TMEM267: variants seen among roughly 807,000 people sequenced by gnomAD.
TMEM267 encodes transmembrane protein C5orf28.
Under a neutral mutation model 19.3 loss-of-function variants are expected in TMEM267, and 20 were observed. That is an observed-to-expected ratio of 1.04 (90% confidence interval 0.73 to 1.51). The LOEUF is 1.51. Among genes scored for constraint, TMEM267 ranks in the 40% most tolerant of loss-of-function variants. TMEM267 has a pLI of 0.00. For missense variants in TMEM267, 242 were observed against 261.9 expected (o/e 0.92, Z 0.52); for synonymous variants, 88 against 90.3 (o/e 0.97, Z 0.15).
intron 1 of TMEM267, among the ~76,000 whole-genome samples, chr5:43,466,051 A>AGG (rs1743649899): frequency 6.6e-6 from 1 of 152,152 alleles, no homozygotes; most frequent in Non-Finnish European, 1.5e-5. Flanking sequence ...ATTGGCTGTA[A>AGG]AGATGAGACA....
At chr5:43,466,113 T>C (rs550542754) in intron 1 of TMEM267, among the ~76,000 whole-genome samples, 15 of 152,208 alleles carry the variant, frequency 9.9e-5, no homozygotes, top group South Asian at 8.3e-4. Context: ...AGAGAACTTC[T>C]CAAACTTAGA....
At chr5:43,475,215 C>T (rs1364641799) in intron 1 of TMEM267, among the ~76,000 whole-genome samples, 1 of 152,198 alleles carries the variant, frequency 6.6e-6, no homozygotes, top group Non-Finnish European at 1.5e-5. Flanking sequence ...AACTCATGTC[C>T]TTTGCAGGGA....
intron 1 of TMEM267, among the ~76,000 whole-genome samples, chr5:43,481,026 G>A (rs949734251): frequency 1.3e-5 from 2 of 149,844 alleles, no homozygotes; most frequent in African/African-American, 2.5e-5. Context: ...GGATGGTCTC[G>A]ATCTCCTGAC....
rs377061101 is a variant in TMEM267, at chr5:43,446,385, C to T, written c.485G>A (p.Arg162His). The change falls in exon 3 of 3, where the codon CGT (arginine) becomes CAT (histidine). Residue 162 changes from arginine to histidine, a missense_variant. Physicochemically the swap from Arg to His is conservative, Grantham distance 29. Transcript: ENST00000397080. ...WTSHHIRDGI[R>H]HGLWICPFGK... Reference sequence around the variant, plus strand: ...AAATGGGCATATCCACAAACCATGACGAATCCCATCTCGGATATGATGTGA... The same window carrying T: ...AAATGGGCATATCCACAAACCATGATGAATCCCATCTCGGATATGATGTGA... 44 of 1,613,936 alleles carry T rather than the reference C, an allele frequency of 2.7e-5. No homozygotes were observed. The highest frequency in any genetic ancestry group is 1.2e-4 in the African/African-American group (9 of 74,898).
chr5:43,469,532 C>G (rs1226565348), intron 1 of TMEM267, among the ~76,000 whole-genome samples: 1 of 152,046 alleles, frequency 6.6e-6, no homozygotes, highest in African/African-American at 2.4e-5. Flanking sequence ...TCAATTGATG[C>G]TGAAAAAGGG....
intron 1 of TMEM267, 62 bp from the exon 2 acceptor site, chr5:43,454,105 C>G (rs1267751054): frequency 8.9e-7 from 1 of 1,127,674 alleles, no homozygotes; most frequent in Non-Finnish European, 1.2e-6. Context: ...AATATTTAAA[C>G]AAAACAGTAT....
chr5:43,451,556 C>T (rs574044221), intron 2 of TMEM267, among the ~76,000 whole-genome samples: 1 of 152,116 alleles, frequency 6.6e-6, no homozygotes, highest in African/African-American at 2.4e-5. Flanking sequence ...GAGATGCCAT[C>T]ACACACCATC....
In TMEM267 at chr5:43,483,143, T is replaced by C. The variant is rs562579201; in HGVS notation, c.-75+679A>G. Among the ~76,000 whole-genome samples the C allele has an allele frequency of 6.6e-5, 10 of 152,356 alleles. No individual in the cohort carries two copies. The East Asian group carries it at 1.9e-3, about 29-fold the overall frequency. On this transcript the variant is annotated intron_variant, in intron 1 of 2. Coordinates refer to ENST00000397080, the MANE Select transcript of TMEM267 (RefSeq NM_022483.5). The stretch of plus-strand genomic sequence containing the variant: ...TATCAAAAGCAGATGCCAAATCTGA[T>C]GCAACTAACTGACAAAGGAAACACA...
At chr5:43,464,381 C>G (rs1309103272) in intron 1 of TMEM267, among the ~76,000 whole-genome samples, 1 of 152,144 alleles carries the variant, frequency 6.6e-6, no homozygotes, top group Non-Finnish European at 1.5e-5. Flanking sequence ...CCATACTGCC[C>G]AAGGTAATTT....
At chr5:43,452,481 A>G (rs1742662823) in intron 2 of TMEM267, among the ~76,000 whole-genome samples, 1 of 152,102 alleles carries the variant, frequency 6.6e-6, no homozygotes, top group South Asian at 2.1e-4. Flanking sequence ...GAGAGATAAA[A>G]TACTATTTGT....
intron 2 of TMEM267, among the ~76,000 whole-genome samples, chr5:43,447,562 T>C (rs1333915640): frequency 3.9e-5 from 6 of 152,190 alleles, no homozygotes; most frequent in Admixed American, 1.3e-4. Flanking sequence ...AGGATAGTTA[T>C]GATTGTCTAA....
chr5:43,477,194 AAAC>A (rs939659255), intron 1 of TMEM267, among the ~76,000 whole-genome samples: 42 of 152,188 alleles, frequency 2.8e-4, no homozygotes, highest in African/African-American at 6.7e-4. Context: ...CCTGTCTGAA[AAAC>A]AACAACAACA....
intron 2 of TMEM267, among the ~76,000 whole-genome samples, chr5:43,451,413 A>G (rs972345646): frequency 8.5e-5 from 13 of 152,184 alleles, no homozygotes; most frequent in African/African-American, 3.1e-4. Context: ...AGAATAAAAC[A>G]AATAACCCCA....
At chr5:43,482,109 C>T (rs1744821346) in intron 1 of TMEM267, among the ~76,000 whole-genome samples, 1 of 152,222 alleles carries the variant, frequency 6.6e-6, no homozygotes, top group Admixed American at 6.5e-5. Flanking sequence ...TCCCAAAGTG[C>T]TGGGATTACG....
chr5:43,480,528 G>T (rs1443169914), intron 1 of TMEM267, among the ~76,000 whole-genome samples: 3 of 150,822 alleles, frequency 2.0e-5, no homozygotes, highest in Non-Finnish European at 4.4e-5. Context: ...CCTCTATGTT[G>T]TCCAGGCTGG....
intron 2 of TMEM267, among the ~76,000 whole-genome samples, chr5:43,448,411 A>G (rs925828039): frequency 2.6e-5 from 4 of 152,226 alleles, no homozygotes; most frequent in African/African-American, 9.6e-5. Flanking sequence ...GAATCATGTA[A>G]TATCATGAAA....
At chr5:43,447,405 C>A (rs886081746) in intron 2 of TMEM267, among the ~76,000 whole-genome samples, 1 of 151,988 alleles carries the variant, frequency 6.6e-6, no homozygotes, top group African/African-American at 2.4e-5. Flanking sequence ...CAGTAAATTT[C>A]TAAACCACTA....
intron 1 of TMEM267, among the ~76,000 whole-genome samples, chr5:43,474,351 A>C (rs1053686556): frequency 1.3e-5 from 2 of 152,254 alleles, no homozygotes; most frequent in Admixed American, 6.5e-5. Context: ...AATTTTTTGC[A>C]ATCTATCCAA....
chr5:43,467,146 CAAAAA>C (rs70994698), intron 1 of TMEM267, among the ~76,000 whole-genome samples: 3 of 49,006 alleles, frequency 6.1e-5, no homozygotes, highest in Admixed American at 2.1e-4. Context: ...GAGACTCTGT[CAAAAA>C]AAAAAAAAAA....
Sources: allele counts gnomAD v4.1 joint callset (sites outside exome capture counted in the v4.1 genomes callset), GRCh38; gene constraint gnomAD v4.1.1; transcripts MANE v1.5; gene names NCBI Gene and HGNC (gene_info 2026-07-23, HGNC 2026-07-21).